Variants in ANKS1B observed in about 807,000 individuals in gnomAD.
ANKS1B encodes the protein ankyrin repeat and sterile alpha motif domain-containing protein 1B.
A neutral mutation model predicts 148.3 loss-of-function variants in ANKS1B; 36 were observed. The ratio of observed to expected loss-of-function variants is 0.24; its 90% confidence interval spans 0.19 to 0.32. The LOEUF is 0.32. Ranked by LOEUF, ANKS1B falls within the 10% of genes least tolerant of loss-of-function variation. ANKS1B has a pLI of 1.00. For missense variants in ANKS1B, 1,157 were observed against 1,542.6 expected (o/e 0.75, Z 4.19); for synonymous variants, 542 against 560.8 (o/e 0.97, Z 0.47).
chr12:99,539,870 G>C (rs2097108523), intron 9 of ANKS1B, among the ~76,000 whole-genome samples: 1 of 152,004 alleles, frequency 6.6e-6, no homozygotes, highest in African/African-American at 2.4e-5. Flanking sequence ...ACTGAGCCAA[G>C]CCAGATAAAT....
intron 11 of ANKS1B, among the ~76,000 whole-genome samples, chr12:99,421,630 C>T (rs1197713297): frequency 5.3e-5 from 8 of 152,132 alleles, no homozygotes; most frequent in Non-Finnish European, 8.8e-5. Flanking sequence ...GACTTGTTTA[C>T]AGGAGCAGAA....
At chr12:99,427,287 T>C (rs1365784009) in intron 11 of ANKS1B, among the ~76,000 whole-genome samples, 1 of 152,188 alleles carries the variant, frequency 6.6e-6, no homozygotes, top group African/African-American at 2.4e-5. Flanking sequence ...TGGCTCTCTG[T>C]CTTCTCTGGT....
intron 16 of ANKS1B, among the ~76,000 whole-genome samples, chr12:99,065,686 A>ATCCCATCCAT (rs2044048696): frequency 8.4e-6 from 1 of 119,442 alleles, no homozygotes; most frequent in African/African-American, 2.8e-5. Flanking sequence ...CATCCATCCA[A>ATCCCATCCAT]CCATCCATCC....
At chr12:99,639,220 C>T (rs1310588949) in intron 9 of ANKS1B, among the ~76,000 whole-genome samples, 6 of 152,170 alleles carry the variant, frequency 3.9e-5, no homozygotes, top group East Asian at 1.9e-4. Context: ...CAGACTTGCA[C>T]GGGGCCTGTA....
At chr12:99,562,727 A>G (rs1379388057) in intron 9 of ANKS1B, among the ~76,000 whole-genome samples, 5 of 152,200 alleles carry the variant, frequency 3.3e-5, no homozygotes, top group South Asian at 4.1e-4. Context: ...CTCACTCACT[A>G]TCATGAGAAG....
At chr12:99,200,830 A>G (rs1601629291) in intron 14 of ANKS1B, among the ~76,000 whole-genome samples, 1 of 152,330 alleles carries the variant, frequency 6.6e-6, no homozygotes, top group East Asian at 1.9e-4. Flanking sequence ...TTTCTTTCCT[A>G]TGCACTCAAC....
chr12:99,690,185 G>A (rs1047945515), intron 8 of ANKS1B, among the ~76,000 whole-genome samples: 1 of 152,132 alleles, frequency 6.6e-6, no homozygotes, highest in East Asian at 1.9e-4. Flanking sequence ...GGAAACCGCC[G>A]CCATAATCTA....
chr12:98,912,078 G>A (rs999087760), intron 17 of ANKS1B, among the ~76,000 whole-genome samples: 2 of 152,150 alleles, frequency 1.3e-5, no homozygotes, highest in African/African-American at 2.4e-5. Context: ...CATACCAGGC[G>A]CACTTCTAAA....
chr12:99,064,179 T>C (rs1033135658), intron 16 of ANKS1B, among the ~76,000 whole-genome samples: 1 of 152,198 alleles, frequency 6.6e-6, no homozygotes, highest in Admixed American at 6.5e-5. Context: ...TGATACTACA[T>C]TTTTGGGAAA....
chr12:98,895,294 A>T (rs2099762605), intron 17 of ANKS1B: 2 of 985,022 alleles, frequency 2.0e-6, no homozygotes, highest in African/African-American at 1.7e-5. Flanking sequence ...GTTACTATGG[A>T]TATCTCGCTC....
At chr12:99,589,099 A>G (rs2096518516) in intron 9 of ANKS1B, among the ~76,000 whole-genome samples, 1 of 152,190 alleles carries the variant, frequency 6.6e-6, no homozygotes, top group South Asian at 2.1e-4. Context: ...TGGTTTAGAG[A>G]GTCATCTGAG....
chr12:99,742,238 C>T (rs528066758), intron 8 of ANKS1B, among the ~76,000 whole-genome samples: 1 of 150,770 alleles, frequency 6.6e-6, no homozygotes, highest in African/African-American at 2.4e-5. Context: ...TGCACATGTA[C>T]CCCTGAACTT....
At chr12:99,514,034 C>T (rs1467061656) in intron 9 of ANKS1B, among the ~76,000 whole-genome samples, 1 of 151,974 alleles carries the variant, frequency 6.6e-6, no homozygotes, top group African/African-American at 2.4e-5. Flanking sequence ...TCATTAAATA[C>T]ATTAATGATC....
intron 2 of ANKS1B, among the ~76,000 whole-genome samples, chr12:99,816,578 C>G (rs142041618): frequency 6.6e-6 from 1 of 151,352 alleles, no homozygotes; most frequent in African/African-American, 2.4e-5. Context: ...TTGTTTAAAT[C>G]GAGCTTTACA....
chr12:99,649,236 G>A (rs1010923996), intron 9 of ANKS1B: 1 of 1,357,190 alleles, frequency 7.4e-7, no homozygotes, highest in African/African-American at 1.4e-5. Context: ...TATAGGAAGA[G>A]AAAGGAGATC....
chr12:99,652,927 T>C (rs2098430663), intron 9 of ANKS1B, among the ~76,000 whole-genome samples: 3 of 152,132 alleles, frequency 2.0e-5, no homozygotes, highest in African/African-American at 7.2e-5. Context: ...ATAAGATGAA[T>C]TAAATGAAAA....
At chr12:99,349,224 GAAATT>G (rs1220603506) in intron 12 of ANKS1B, among the ~76,000 whole-genome samples, 2 of 151,848 alleles carry the variant, frequency 1.3e-5, no homozygotes, top group African/African-American at 2.4e-5. Context: ...ATTACAAAAG[GAAATT>G]AAATTAATAA....
At chr12:99,810,656 T>G (rs1465812466) in intron 3 of ANKS1B, among the ~76,000 whole-genome samples, 1 of 152,006 alleles carries the variant, frequency 6.6e-6, no homozygotes, top group Non-Finnish European at 1.5e-5. Flanking sequence ...ACACTTTTTG[T>G]AATTTAATTG....
At chr12:99,819,966 C>T (rs1010250731) in intron 2 of ANKS1B, among the ~76,000 whole-genome samples, 1 of 151,564 alleles carries the variant, frequency 6.6e-6, no homozygotes, top group Non-Finnish European at 1.5e-5. Context: ...AATTGCTTTT[C>T]AGAGGAGAAT....
Sources: allele counts gnomAD v4.1 joint callset (sites outside exome capture counted in the v4.1 genomes callset), GRCh38; gene constraint gnomAD v4.1.1; transcripts MANE v1.5; gene names NCBI Gene and HGNC (gene_info 2026-07-23, HGNC 2026-07-21).